CELF5: variants seen among roughly 807,000 people sequenced by gnomAD.
CELF5 encodes the protein CUGBP Elav-like family member 5.
A neutral mutation model predicts 54.9 loss-of-function variants in CELF5; 6 were observed. That is an observed-to-expected ratio of 0.11 (90% CI 0.06 to 0.22). The LOEUF (loss-of-function observed/expected upper bound fraction) is 0.22, where lower values mean the gene tolerates loss of function less well. CELF5 is among the 10% of genes least tolerant of loss of function. The pLI is 1.00. For missense variants in CELF5, 401 were observed against 678.6 expected, an observed-to-expected ratio of 0.59 and a Z score of 4.54; for synonymous variants, 271 against 290.9, an observed-to-expected ratio of 0.93 and a Z score of 0.70.
chr19:3,274,067 C>G, intron 3 of CELF5, 144 bp downstream of exon 3: 2 of 763,222 alleles, frequency 2.6e-6, no homozygotes, highest in Non-Finnish European at 4.4e-6. Flanking sequence ...CCAAAGCATG[C>G]AGTAGTCGCA....
intron 1 of CELF5, among the ~76,000 whole-genome samples, chr19:3,226,673 C>G (rs1916936879): frequency 6.6e-6 from 1 of 152,078 alleles, no homozygotes. Context: ...CATGGCCCCC[C>G]AAACGGTTGC....
chr19:3,286,059 C>T (rs1470213477), intron 10 of CELF5, 34 bp downstream of exon 10: 1 of 1,514,342 alleles, frequency 6.6e-7, no homozygotes, highest in Non-Finnish European at 8.8e-7. Context: ...GGGCGCCAGC[C>T]CCGCCCTCTG....
Position 3,275,801 on chromosome 19 carries a change from C to T in CELF5, c.395-55C>T, listed in dbSNP as rs1294969423. 1.3e-6 allele frequency: 2 copies of T among 1,560,890 alleles called. No homozygotes were observed. Among genetic ancestry groups the T allele is most frequent in the Non-Finnish European group, 1.7e-6 (2 of 1,147,878 alleles). On this transcript the variant is annotated intron_variant, in intron 3 of 12. Coordinates refer to ENST00000292672, the MANE Select transcript of CELF5 (RefSeq NM_021938.4). This position sits in a 1 kb window ranked among gnomAD's most constrained non-coding sequence, Gnocchi z 6.7. ...CTCTGCTGGAGGGAGGGAGGAATCC[C>T]GGAGGCCCTCCCGGAGGCCGGGGAC...
chr19:3,291,959 T>G (rs552524700), intron 11 of CELF5, among the ~76,000 whole-genome samples: 1 of 152,292 alleles, frequency 6.6e-6, no homozygotes, highest in African/African-American at 2.4e-5. Flanking sequence ...TTTTTGGCTT[T>G]TTTTGAGGCA....
intron 1 of CELF5, among the ~76,000 whole-genome samples, chr19:3,239,724 T>C (rs1457775496): frequency 6.6e-6 from 1 of 151,332 alleles, no homozygotes; most frequent in African/African-American, 2.4e-5. Context: ...CTACCTTAGA[T>C]TTTCCTGTCT....
At chr19:3,250,276 C>T (rs2079630486) in intron 1 of CELF5, among the ~76,000 whole-genome samples, 1 of 152,280 alleles carries the variant, frequency 6.6e-6, no homozygotes, top group East Asian at 1.9e-4. Flanking sequence ...ATCACGAGGT[C>T]AGGAGATCGA....
At chr19:3,256,347 G>A (rs527794896) in intron 2 of CELF5, among the ~76,000 whole-genome samples, 17 of 151,998 alleles carry the variant, frequency 1.1e-4, no homozygotes, top group African/African-American at 3.9e-4. Flanking sequence ...CCCAGATTGG[G>A]AGCCCCTCAA....
chr19:3,277,969 C>A, intron 4 of CELF5, 62 bp from the exon 5 acceptor site: 3 of 1,335,536 alleles, frequency 2.2e-6, no homozygotes, highest in Non-Finnish European at 2.1e-6. Context: ...TCTCCTGTGG[C>A]CCCCGCTCAG....
In CELF5 at chr19:3,235,007, C is replaced by G. The variant is rs541461382; in HGVS notation, c.259+10009C>G. Among the ~76,000 whole-genome samples, 168 of 152,194 alleles carry G rather than the reference C, an allele frequency of 1.1e-3. 2 individuals carry two copies. The highest frequency in any genetic ancestry group is 3.4e-3 in the Middle Eastern group (1 of 294). ...CCGTGGCTCCCACCTCCCTTAGAGT[C>G]AAAGCTGAAGTCCTCCCGTGACCTG... On this transcript the variant is annotated intron_variant, in intron 1 of 12. Coordinates refer to ENST00000292672, the MANE Select transcript of CELF5 (RefSeq NM_021938.4).
chr19:3,252,072 G>A (rs1038990362), intron 2 of CELF5, among the ~76,000 whole-genome samples: 1 of 150,706 alleles, frequency 6.6e-6, no homozygotes, highest in Non-Finnish European at 1.5e-5. Flanking sequence ...TTTTGAGACA[G>A]GGTCTTGCTC....
chr19:3,242,785 A>T (rs1301154208), intron 1 of CELF5, among the ~76,000 whole-genome samples: 1 of 152,066 alleles, frequency 6.6e-6, no homozygotes, highest in East Asian at 1.9e-4. Flanking sequence ...CAGCCTGGGC[A>T]ACAGAGCAAG....
chr19:3,230,093 T>TACAC (rs989467802), intron 1 of CELF5, among the ~76,000 whole-genome samples: 2 of 151,900 alleles, frequency 1.3e-5, no homozygotes, highest in Non-Finnish European at 2.9e-5. Context: ...CATTCATTCA[T>TACAC]TCATTCATTC....
chr19:3,282,528 G>A lies in CELF5; in HGVS notation c.1039+30G>A, dbSNP rs754615523. The A allele has an allele frequency of 2.0e-5, 32 of 1,595,426 alleles. No individual in the cohort carries two copies. The South Asian group carries it at 3.5e-4, about 17-fold the overall frequency. ...ATTGGGGTCGTCCTCTGGGGCCTAG[G>A]AGAGTGGTGGGGAATAAAGATGGTG... On this transcript the variant is annotated intron_variant, in intron 8 of 12. Transcript: ENST00000292672. The surrounding 1 kb of genome is among the most constrained non-coding windows in gnomAD (Gnocchi z 5.2).
Position 3,281,050 on chromosome 19 carries a change from C to A in CELF5, c.604-149C>A. The A allele has an allele frequency of 1.1e-6, 1 of 923,940 alleles. No individual in the cohort carries two copies. Among genetic ancestry groups the A allele is most frequent in the Non-Finnish European group, 1.7e-6 (1 of 603,218 alleles). 57.2% of individuals were successfully genotyped at this position (923,940 alleles called of 1,614,324 possible). ...CACGCGGTCCTCGCTGTGGCCCTGG[C>A]TCCTGGGGTGGGGGCCCGTGGACAT... On this transcript the variant is annotated intron_variant, in intron 5 of 12. Coordinates refer to ENST00000292672, the MANE Select transcript of CELF5 (RefSeq NM_021938.4). This position sits in a 1 kb window ranked among gnomAD's most constrained non-coding sequence, Gnocchi z 6.5.
At chr19:3,256,672 G>A (rs371628595) in intron 2 of CELF5, among the ~76,000 whole-genome samples, 7 of 149,860 alleles carry the variant, frequency 4.7e-5, no homozygotes, top group African/African-American at 1.2e-4. Flanking sequence ...GGGTTCAAGC[G>A]ATTCTCCTGC....
At position 3,275,065 on chromosome 19, in the gene CELF5, C is replaced by G. The variant is rs945700628; in HGVS notation, c.395-791C>G. Among the ~76,000 whole-genome samples, 2 of 152,120 alleles carry G rather than the reference C, an allele frequency of 1.3e-5. No homozygotes were observed. Among genetic ancestry groups the G allele is most frequent in the Non-Finnish European group, 1.5e-5 (1 of 68,026 alleles). On this transcript the variant is annotated intron_variant, in intron 3 of 12. Coordinates refer to ENST00000292672, the MANE Select transcript of CELF5 (RefSeq NM_021938.4). The surrounding 1 kb of genome is among the most constrained non-coding windows in gnomAD (Gnocchi z 6.7). ...TCTCAGTCTCTCTGCTGGTTTCTCT[C>G]TCTCCCTCCCACCCCCATGAGTGAC...
chr19:3,255,768 A>T (rs559521198), intron 2 of CELF5, among the ~76,000 whole-genome samples: 6 of 152,258 alleles, frequency 3.9e-5, no homozygotes, highest in African/African-American at 1.2e-4. Flanking sequence ...GAGAAGATTT[A>T]AAGACGTGAA....
At chr19:3,229,021 T>C (rs1309564531) in intron 1 of CELF5, among the ~76,000 whole-genome samples, 1 of 151,848 alleles carries the variant, frequency 6.6e-6, no homozygotes, top group Non-Finnish European at 1.5e-5. Flanking sequence ...ATTCTCTCCT[T>C]TATTTAACAG....
At chr19:3,288,158 G>A (rs1233910349) in intron 10 of CELF5, among the ~76,000 whole-genome samples, 1 of 152,160 alleles carries the variant, frequency 6.6e-6, no homozygotes, top group African/African-American at 2.4e-5. Flanking sequence ...ATGAAGCAGT[G>A]CACGAACAAA....
Sources: allele counts gnomAD v4.1 joint callset (sites outside exome capture counted in the v4.1 genomes callset), GRCh38; gene constraint gnomAD v4.1.1; non-coding constraint Gnocchi (gnomAD v3.1); transcripts MANE v1.5; gene names NCBI Gene and HGNC (gene_info 2026-07-23, HGNC 2026-07-21).